Variants in CSMD2 observed in about 807,000 individuals in gnomAD.
The protein encoded by CSMD2 is CUB and Sushi multiple domains 2.
CSMD2 carries 130 observed loss-of-function variants against 398.5 expected under a neutral mutation model. That is an observed-to-expected ratio of 0.33 (90% CI 0.28 to 0.38). The LOEUF is 0.38. Ranked by LOEUF, CSMD2 falls within the 10% of genes least tolerant of loss-of-function variation. The pLI is 1.00. For missense variants in CSMD2, 3,829 were observed against 4,764.9 expected (o/e 0.80, Z 5.78); for synonymous variants, 1,828 against 1,908.5 (o/e 0.96, Z 1.10).
intron 1 of CSMD2, among the ~76,000 whole-genome samples, chr1:34,107,256 G>C (rs1325921587): frequency 6.6e-6 from 1 of 152,166 alleles, no homozygotes; most frequent in Admixed American, 6.5e-5. Context: ...AAAGTTGAGG[G>C]CTTAGCAAAT....
chr1:33,664,187 C>CA (rs1408430471), intron 25 of CSMD2, among the ~76,000 whole-genome samples: 4 of 152,166 alleles, frequency 2.6e-5, no homozygotes, highest in Middle Eastern at 3.2e-3. Context: ...TTCACACAGC[C>CA]AACCTGTTCT....
Position 33,819,773 on chromosome 1 carries a change from T to C in CSMD2, c.1264A>G (p.Thr422Ala). ...AACATGTCGCTCACTTTCATACAGG[T>C]GATCCGCTTGGACCCTTGCAGGTCA... is the stretch of plus-strand genomic sequence containing the variant. ...GYDLQGSKRI[T>A]CMKVSDMFAA... The change falls in exon 9 of 71, where the codon ACC becomes GCC. Residue 422 changes from threonine to alanine, a missense_variant. By Grantham distance (58) the Thr-to-Ala change is moderately conservative (BLOSUM62 0). Coordinates refer to ENST00000373381, the MANE Select transcript of CSMD2 (RefSeq NM_001281956.2). 6.2e-7 allele frequency: 1 copy of C among 1,614,094 alleles called. No individual in the cohort carries two copies. The highest frequency in any genetic ancestry group is 1.1e-5 in the South Asian group (1 of 91,084).
rs760757594 is a variant in CSMD2, at chr1:33,935,892, T to A, written c.580A>T (p.Thr194Ser). 1.2e-6 allele frequency: 2 copies of A among 1,614,150 alleles called. No homozygotes were observed. The highest frequency in any genetic ancestry group is 3.3e-5 in the Admixed American group (2 of 60,028). The change falls in exon 4 of 71, where the codon ACC (threonine) becomes TCC (serine). Residue 194 changes from threonine to serine, a missense_variant. By Grantham distance (58) the Thr-to-Ser change is moderately conservative. Around this residue, in one of 5 missense-constraint regions of CSMD2, gnomAD observed 2,001 missense variants for 2,567.1 expected, o/e 0.78. Coordinates refer to ENST00000373381, the MANE Select transcript of CSMD2 (RefSeq NM_001281956.2). ...RLPNGIQQGS[T>S]FNLGDKVRYS... ...CGGACCTTGTCACCGAGGTTGAAGG[T>A]TGAACCCTGCTGGATGCCATTGGGC...
At chr1:33,892,839 C>A (rs1158073348) in intron 5 of CSMD2, among the ~76,000 whole-genome samples, 1 of 152,190 alleles carries the variant, frequency 6.6e-6, no homozygotes, top group East Asian at 1.9e-4. Flanking sequence ...AAAATAATTT[C>A]TCTTTCCCTC....
intron 44 of CSMD2, chr1:33,600,325 A>C (rs1379608535): frequency 1.7e-6 from 1 of 593,240 alleles, no homozygotes; most frequent in East Asian, 2.9e-5. Flanking sequence ...AGGCAATTCC[A>C]CTATAATAAA....
At chr1:33,631,503 G>A (rs1642466707) in intron 32 of CSMD2, among the ~76,000 whole-genome samples, 1 of 152,062 alleles carries the variant, frequency 6.6e-6, no homozygotes, top group Non-Finnish European at 1.5e-5. Context: ...AGAGTCTGAT[G>A]ACTTTACAAA....
chr1:33,705,267 ACT>A (rs1290873600), intron 22 of CSMD2, among the ~76,000 whole-genome samples: 1 of 152,132 alleles, frequency 6.6e-6, no homozygotes, highest in African/African-American at 2.4e-5. Flanking sequence ...TTTGAAATTT[ACT>A]CTTTTAGTGA....
chr1:33,658,785 G>A (rs976459091), intron 26 of CSMD2, among the ~76,000 whole-genome samples: 3 of 152,168 alleles, frequency 2.0e-5, no homozygotes, highest in Non-Finnish European at 2.9e-5. Context: ...GATCCTTTAA[G>A]CCCAGGAGGT....
chr1:34,146,745 G>T (rs1639797982), intron 1 of CSMD2, among the ~76,000 whole-genome samples: 1 of 152,214 alleles, frequency 6.6e-6, no homozygotes, highest in African/African-American at 2.4e-5. Context: ...CTGTGAAGAT[G>T]CATGAAGCAA....
At chr1:33,801,934 T>G (rs1655657476) in intron 10 of CSMD2, among the ~76,000 whole-genome samples, 1 of 152,170 alleles carries the variant, frequency 6.6e-6, no homozygotes, top group Admixed American at 6.5e-5. Flanking sequence ...ATTGCATTGT[T>G]GACAGAAGTT....
Position 33,557,746 on chromosome 1 carries a change from G to A in CSMD2, c.8731C>T (p.Pro2911Ser). 6.5e-7 allele frequency: 1 copy of A among 1,535,950 alleles called. No individual in the cohort carries two copies. The highest frequency in any genetic ancestry group is 1.2e-5 in the South Asian group (1 of 84,050). ...QGDGTWDRPR[P>S]QCLLVSCGHP... Reference sequence around the variant, plus strand: ...GACATCTACTTACAGAGACACTGGGGGCGGGGACGGTCCCATGTGCCATCT... The same window carrying A: ...GACATCTACTTACAGAGACACTGGGAGCGGGGACGGTCCCATGTGCCATCT... The change falls in exon 55 of 71, where the codon CCC becomes TCC. Residue 2911 changes from proline to serine, a missense_variant. Physicochemically the swap from Pro to Ser is moderately conservative, Grantham distance 74. Around this residue, in one of 5 missense-constraint regions of CSMD2, gnomAD observed 917 missense variants for 1,199.5 expected, o/e 0.76. Transcript: ENST00000373381.
chr1:33,975,921 T>C (rs1036878471), intron 3 of CSMD2, among the ~76,000 whole-genome samples: 1 of 152,170 alleles, frequency 6.6e-6, no homozygotes, highest in Non-Finnish European at 1.5e-5. Flanking sequence ...ATGAGTATAT[T>C]TGACCTCACA....
chr1:34,158,257 G>A (rs1251464251), intron 1 of CSMD2, among the ~76,000 whole-genome samples: 5 of 152,128 alleles, frequency 3.3e-5, no homozygotes, highest in African/African-American at 7.2e-5. Flanking sequence ...TTCTCAAAGC[G>A]AGTGAACCCT....
intron 1 of CSMD2, among the ~76,000 whole-genome samples, chr1:34,098,337 A>G (rs1377331177): frequency 2.1e-5 from 3 of 145,788 alleles, no homozygotes; most frequent in Non-Finnish European, 4.5e-5. Flanking sequence ...TGGGTGCAGC[A>G]CACCAGCATG....
intron 6 of CSMD2, among the ~76,000 whole-genome samples, chr1:33,836,932 A>C (rs532128471): frequency 4.9e-4 from 74 of 152,288 alleles, no homozygotes; most frequent in African/African-American, 1.6e-3. Flanking sequence ...GAAATGCAGA[A>C]ATCATTCATC....
Position 33,605,484 on chromosome 1 carries a change from G to A in CSMD2, c.6344-14C>T, listed in dbSNP as rs367609395. On this transcript the variant is annotated splice_polypyrimidine_tract_variant and intron_variant, in intron 41 of 70. Transcript: ENST00000373381. ...GAAGTTCATAGGCTGGAAAAGATCC[G>A]GAGAAAAGGTCACTTTATTCTCTCT... is the stretch of plus-strand genomic sequence containing the variant. The A allele has an allele frequency of 1.9e-5, 31 of 1,613,468 alleles. No homozygotes were observed. Among genetic ancestry groups the A allele is most frequent in the African/African-American group, 4.0e-5 (3 of 75,010 alleles).
Position 33,580,911 on chromosome 1 carries a change from A to G in CSMD2, c.7241-12T>C, listed in dbSNP as rs1031477900. The G allele has an allele frequency of 6.2e-7, 1 of 1,613,766 alleles. No homozygotes were observed. ...CTGTCCTGATGGACCTGGGGTGAGA[A>G]GGACGCAGGATTACAGACCATGGGA... On this transcript the variant is annotated splice_polypyrimidine_tract_variant and intron_variant, in intron 47 of 70. Transcript: ENST00000373381.
chr1:33,874,361 C>T (rs994749214), intron 5 of CSMD2, among the ~76,000 whole-genome samples: 1 of 152,212 alleles, frequency 6.6e-6, no homozygotes, highest in Non-Finnish European at 1.5e-5. Context: ...ACTTTAAACA[C>T]CCCATTTTAC....
At chr1:33,645,904 G>A (rs1014245514) in intron 29 of CSMD2, among the ~76,000 whole-genome samples, 8 of 152,202 alleles carry the variant, frequency 5.3e-5, no homozygotes, top group South Asian at 2.1e-4. Context: ...GTTTTTGTAA[G>A]TGAATTTTTC....
Sources: allele counts gnomAD v4.1 joint callset (sites outside exome capture counted in the v4.1 genomes callset), GRCh38; gene constraint gnomAD v4.1.1; regional missense constraint gnomAD v4.1.1; transcripts MANE v1.5; gene names NCBI Gene and HGNC (gene_info 2026-07-23, HGNC 2026-07-21).